Variants in SLC24A2 observed in about 807,000 individuals in gnomAD.
SLC24A2 encodes sodium/potassium/calcium exchanger 2.
SLC24A2 carries 36 observed loss-of-function variants against 62.0 expected under a neutral mutation model. That is an observed-to-expected ratio of 0.58 (90% CI 0.44 to 0.77). The LOEUF (loss-of-function observed/expected upper bound fraction) is 0.77. Ranked by LOEUF, SLC24A2 falls within the 30% of genes least tolerant of loss-of-function variation. The probability of loss-of-function intolerance (pLI) is 0.00; values close to 1 mark genes in which losing one functional copy is unlikely to be tolerated. For missense variants in SLC24A2, 846 were observed against 817.9 expected (o/e 1.03, Z -0.42); for synonymous variants, 358 against 294.0 (o/e 1.22, Z -2.23).
chr9:19,864,868 T>C, the SLC24A2 span, among the ~76,000 whole-genome samples: 2 of 151,772 alleles, frequency 1.3e-5, no homozygotes, highest in African/African-American at 2.4e-5. Flanking sequence ...ATATAAAGGA[T>C]ATCCAAATTG....
At chr9:19,614,822 T>C (rs1195011075) in intron 4 of SLC24A2, among the ~76,000 whole-genome samples, 1 of 152,096 alleles carries the variant, frequency 6.6e-6, no homozygotes, top group Non-Finnish European at 1.5e-5. Flanking sequence ...TGCCTTCCTT[T>C]GTAGGTGTTA....
At chr9:19,990,964 T>A in the SLC24A2 span, among the ~76,000 whole-genome samples, 1 of 94,556 alleles carries the variant, frequency 1.1e-5, no homozygotes, top group Admixed American at 9.5e-5. Context: ...TTATATATAC[T>A]ATATATGTAT....
chr9:20,254,517 C>A, the SLC24A2 span, among the ~76,000 whole-genome samples: 2 of 152,244 alleles, frequency 1.3e-5, no homozygotes, highest in Non-Finnish European at 2.9e-5. Context: ...AGAATACAGG[C>A]AATTACTTGT....
At chr9:19,767,348 A>G (rs1822547463) in intron 2 of SLC24A2, among the ~76,000 whole-genome samples, 1 of 152,214 alleles carries the variant, frequency 6.6e-6, no homozygotes, top group Non-Finnish European at 1.5e-5. Context: ...TTAAAAACAA[A>G]AAACAAAAAA....
the SLC24A2 span, among the ~76,000 whole-genome samples, chr9:19,918,205 C>A: frequency 6.7e-6 from 1 of 150,364 alleles, no homozygotes; most frequent in Non-Finnish European, 1.5e-5. Context: ...CTAATATAAA[C>A]CATCTTTACA....
rs1554666866 is a variant in SLC24A2, at chr9:19,517,953, A to ACACTCT, written c.1737-1552_1737-1551insAGAGTG. Among the ~76,000 whole-genome samples, 17 of 124,274 alleles carry ACACTCT rather than the reference A, an allele frequency of 1.4e-4. No homozygotes were observed. The East Asian group carries it at 1.7e-3, about 12-fold the overall frequency. The allele number at this position is 124,274 out of a possible 152,430, so 81.5% of individuals were successfully genotyped here. ...CACACACACACACACACACACACACACACACTCTCACACTTCTAGTGAAGT... is the reference window on the plus strand; with the variant it reads ...CACACACACACACACACACACACACACACTCTCACACTCTCACACTTCTAGTGAAGT... On this transcript the variant is annotated intron_variant, in intron 10 of 10. Coordinates refer to ENST00000341998, the MANE Select transcript of SLC24A2 (RefSeq NM_020344.4).
chr9:19,626,161 G>A (rs908454830), intron 2 of SLC24A2, among the ~76,000 whole-genome samples: 1 of 152,080 alleles, frequency 6.6e-6, no homozygotes, highest in East Asian at 1.9e-4. Context: ...CCTTGAAAGC[G>A]AGAAATGATT....
At chr9:19,529,612 T>G (rs1388158762) in intron 8 of SLC24A2, among the ~76,000 whole-genome samples, 2 of 152,116 alleles carry the variant, frequency 1.3e-5, no homozygotes, top group Non-Finnish European at 2.9e-5. Flanking sequence ...CTCAAATGCT[T>G]TTCCCTGCTC....
chr9:20,194,860 C>T, the SLC24A2 span, among the ~76,000 whole-genome samples: 1 of 152,090 alleles, frequency 6.6e-6, no homozygotes, highest in Non-Finnish European at 1.5e-5. Context: ...CACACACACG[C>T]ATGCACACAC....
At chr9:19,707,014 C>T (rs1366164238) in intron 2 of SLC24A2, among the ~76,000 whole-genome samples, 2 of 151,680 alleles carry the variant, frequency 1.3e-5, no homozygotes, top group African/African-American at 4.9e-5. Context: ...GCTAGCAAGA[C>T]TAATAAAGAA....
chr9:19,906,184 C>A, the SLC24A2 span, among the ~76,000 whole-genome samples: 2 of 152,168 alleles, frequency 1.3e-5, no homozygotes, highest in African/African-American at 4.8e-5. Context: ...CAGTCAAAAA[C>A]ACTCAACTAC....
the SLC24A2 span, among the ~76,000 whole-genome samples, chr9:20,099,146 G>A: frequency 6.6e-6 from 1 of 152,186 alleles, no homozygotes; most frequent in Non-Finnish European, 1.5e-5. Flanking sequence ...TAATAACATG[G>A]CATAGGTTTC....
At chr9:20,204,522 T>C in the SLC24A2 span, among the ~76,000 whole-genome samples, 1 of 152,094 alleles carries the variant, frequency 6.6e-6, no homozygotes, top group East Asian at 1.9e-4. Context: ...ATTTCCTTAA[T>C]CTATTGACTT....
At chr9:19,535,976 A>AT (rs775257693) in intron 8 of SLC24A2, among the ~76,000 whole-genome samples, 8 of 150,700 alleles carry the variant, frequency 5.3e-5, no homozygotes, top group African/African-American at 1.7e-4. Context: ...ATCCATGAGC[A>AT]GGCATGTTGT....
At chr9:19,698,688 G>A (rs2118511990) in intron 2 of SLC24A2, among the ~76,000 whole-genome samples, 1 of 152,264 alleles carries the variant, frequency 6.6e-6, no homozygotes, top group South Asian at 2.1e-4. Flanking sequence ...ATTTGCTTTA[G>A]CTATAGTACA....
the SLC24A2 span, among the ~76,000 whole-genome samples, chr9:20,223,722 T>C: frequency 6.6e-6 from 1 of 152,248 alleles, no homozygotes; most frequent in East Asian, 1.9e-4. Flanking sequence ...TACAAATTGG[T>C]AAGGATAAGA....
At chr9:19,544,797 T>C (rs1164846701) in intron 8 of SLC24A2, among the ~76,000 whole-genome samples, 1 of 152,216 alleles carries the variant, frequency 6.6e-6, no homozygotes, top group Non-Finnish European at 1.5e-5. Context: ...AGAGATCTGC[T>C]GTTGGTCTGA....
chr9:19,833,110 C>T, the SLC24A2 span, among the ~76,000 whole-genome samples: 1 of 152,104 alleles, frequency 6.6e-6, no homozygotes, highest in African/African-American at 2.4e-5. Context: ...GCCAAGATGG[C>T]CGAATAGGAA....
the SLC24A2 span, among the ~76,000 whole-genome samples, chr9:19,994,804 G>T: frequency 6.8e-3 from 1,036 of 152,274 alleles, 2 homozygotes; most frequent in Non-Finnish European, 0.011. Context: ...GTCTGCCCTA[G>T]AACCAGCTTA....
Sources: allele counts gnomAD v4.1 joint callset (sites outside exome capture counted in the v4.1 genomes callset), GRCh38; gene constraint gnomAD v4.1.1; transcripts MANE v1.5; gene names NCBI Gene and HGNC (gene_info 2026-07-23, HGNC 2026-07-21).